The following CTDSPL variants were observed in gnomAD, a reference collection of about 807,000 sequenced individuals.
The protein encoded by CTDSPL is CTD small phosphatase like.
Under a neutral mutation model 30.5 loss-of-function variants are expected in CTDSPL, and 8 were observed. The ratio of observed to expected loss-of-function variants is 0.26; its 90% CI spans 0.15 to 0.47. The LOEUF (loss-of-function observed/expected upper bound fraction) is 0.47. Among genes scored for constraint, CTDSPL ranks in the 20% least tolerant of loss-of-function variants. The pLI is 0.99. For synonymous variants in CTDSPL, 110 were observed against 137.9 expected (o/e 0.80, Z 1.42); for missense variants, 248 against 366.1 (o/e 0.68, Z 2.63).
intron 1 of CTDSPL, among the ~76,000 whole-genome samples, chr3:37,897,493 A>G (rs1052910378): frequency 9.2e-5 from 14 of 152,262 alleles, no homozygotes; most frequent in Non-Finnish European, 1.5e-4. Flanking sequence ...GGACAGTATA[A>G]TTTCATTTCT....
chr3:37,952,189 AAAAG>A (rs1422735944), intron 2 of CTDSPL, among the ~76,000 whole-genome samples: 1 of 152,112 alleles, frequency 6.6e-6, no homozygotes, highest in African/African-American at 2.4e-5. Context: ...AAGAAAGAAA[AAAAG>A]AAACAGAAAG....
At chr3:37,893,963 A>G (rs1211077598) in intron 1 of CTDSPL, among the ~76,000 whole-genome samples, 1 of 152,230 alleles carries the variant, frequency 6.6e-6, no homozygotes, top group Non-Finnish European at 1.5e-5. Flanking sequence ...GTGGCTAACC[A>G]TTAGTATAAA....
chr3:37,947,150 C>T lies in CTDSPL; in HGVS notation c.173C>T (p.Pro58Leu). The change falls in exon 2 of 8, where the codon CCT becomes CTT. Residue 58 changes from proline (P) to leucine (L), a missense_variant. Physicochemically the swap from Pro to Leu is moderately conservative, Grantham distance 98 (BLOSUM62 -3). Transcript: ENST00000273179. ...TTCCGTGATTACAATGTGGAGGCCCCTCCACCCAGCAGCCCCAGTGTGCTT... is the reference window on the plus strand; with the variant it reads ...TTCCGTGATTACAATGTGGAGGCCCTTCCACCCAGCAGCCCCAGTGTGCTT... ...CCFRDYNVEA[P>L]PPSSPSVLPP... 1 of 1,613,152 alleles carries T rather than the reference C, an allele frequency of 6.2e-7. No individual in the cohort carries two copies. The highest frequency in any genetic ancestry group is 8.5e-7 in the Non-Finnish European group (1 of 1,179,986).
At chr3:37,959,673 T>G (rs1306585890) in intron 3 of CTDSPL, among the ~76,000 whole-genome samples, 1 of 152,238 alleles carries the variant, frequency 6.6e-6, no homozygotes, top group African/African-American at 2.4e-5. Flanking sequence ...ATATTTCTCT[T>G]AAAAATATCC....
chr3:37,896,138 C>T (rs1165253781), intron 1 of CTDSPL, among the ~76,000 whole-genome samples: 12 of 152,190 alleles, frequency 7.9e-5, no homozygotes, highest in Non-Finnish European at 1.8e-4. Context: ...CAGTAAGAAT[C>T]AGATGTTTTC....
chr3:37,908,839 G>T (rs1207043055), intron 1 of CTDSPL, among the ~76,000 whole-genome samples: 1 of 152,056 alleles, frequency 6.6e-6, no homozygotes, highest in Non-Finnish European at 1.5e-5. Context: ...TTTTATTTTT[G>T]CATTTCTTTG....
At chr3:37,875,600 C>T (rs534616241) in intron 1 of CTDSPL, among the ~76,000 whole-genome samples, 1 of 152,170 alleles carries the variant, frequency 6.6e-6, no homozygotes, top group South Asian at 2.1e-4. Flanking sequence ...TGTATGTAAT[C>T]TTTCTCTCTG....
intron 1 of CTDSPL, among the ~76,000 whole-genome samples, chr3:37,906,276 C>T (rs990751587): frequency 2.6e-5 from 4 of 152,166 alleles, no homozygotes; most frequent in African/African-American, 9.7e-5. Context: ...GGGCTCCTGG[C>T]AGGCAGCCTT....
At chr3:37,900,852 G>A (rs777796488) in intron 1 of CTDSPL, among the ~76,000 whole-genome samples, 3 of 152,134 alleles carry the variant, frequency 2.0e-5, no homozygotes, top group Admixed American at 6.5e-5. Context: ...AGGCTGGAGT[G>A]CAGTGGCACA....
rs1043155373 is a variant in CTDSPL, at chr3:37,975,439, A to G, written c.520-270A>G. On this transcript the variant is annotated intron_variant, in intron 6 of 7. Coordinates refer to ENST00000273179, the MANE Select transcript of CTDSPL (RefSeq NM_001008392.2). This position sits in a 1 kb window ranked among gnomAD's most constrained non-coding sequence, Gnocchi z 4.9. ...ATCCCAGGCCAGAGATTCGAGGCCC[A>G]GGCTAAGGGTGGTGGCAATATAAAT... Among the ~76,000 whole-genome samples the G allele has an allele frequency of 2.0e-5, 3 of 152,336 alleles. No individual in the cohort carries two copies. The East Asian group carries it at 5.8e-4, about 29-fold the overall frequency.
At chr3:37,974,060 C>T (rs1575325197) in intron 6 of CTDSPL, among the ~76,000 whole-genome samples, 1 of 152,210 alleles carries the variant, frequency 6.6e-6, no homozygotes, top group Non-Finnish European at 1.5e-5. Flanking sequence ...TTTTTTAAAG[C>T]TCATCAGCTA....
chr3:37,934,656 T>C (rs1214999292), intron 1 of CTDSPL, among the ~76,000 whole-genome samples: 3 of 152,204 alleles, frequency 2.0e-5, no homozygotes, highest in Non-Finnish European at 2.9e-5. Flanking sequence ...GTTCCCCAAA[T>C]AGGGGGTTGG....
In CTDSPL at chr3:37,942,087, A is replaced by G. The variant is rs76734533; in HGVS notation, c.80-4970A>G. ...CCAGCAGAGCTCACTGGGACATGCA[A>G]CCCCTCCCTTTTCCTTCCCCATGTC... is the stretch of plus-strand genomic sequence containing the variant. On this transcript the variant is annotated intron_variant, in intron 1 of 7. Transcript: ENST00000273179. Among the ~76,000 whole-genome samples the G allele has an allele frequency of 1.3e-3, 194 of 150,084 alleles. 6 individuals are homozygous for G. In the East Asian group the frequency reaches 0.015, roughly 11 times the overall value.
chr3:37,974,402 G>A (rs2125634890), intron 6 of CTDSPL, among the ~76,000 whole-genome samples: 1 of 152,328 alleles, frequency 6.6e-6, no homozygotes, highest in East Asian at 1.9e-4. Flanking sequence ...TCCACTACTG[G>A]CCTTCCCAGC....
intron 1 of CTDSPL, among the ~76,000 whole-genome samples, chr3:37,891,283 C>T (rs1698322251): frequency 1.3e-5 from 2 of 152,334 alleles, no homozygotes; most frequent in African/African-American, 2.4e-5. Flanking sequence ...TAATCCATGT[C>T]TGGGCTCACT....
intron 1 of CTDSPL, among the ~76,000 whole-genome samples, chr3:37,866,334 A>T (rs1042296260): frequency 6.6e-6 from 1 of 152,210 alleles, no homozygotes. Flanking sequence ...AAAAAATCAC[A>T]CATACACACA....
intron 1 of CTDSPL, among the ~76,000 whole-genome samples, chr3:37,923,289 A>G (rs1698738918): frequency 6.6e-6 from 1 of 152,192 alleles, no homozygotes; most frequent in Non-Finnish European, 1.5e-5. Context: ...TTGGAGTGAC[A>G]TTGAAGTAGT....
intron 1 of CTDSPL, among the ~76,000 whole-genome samples, chr3:37,921,194 C>T (rs1698709159): frequency 6.6e-6 from 1 of 152,216 alleles, no homozygotes; most frequent in South Asian, 2.1e-4. Context: ...CCATTTTCCC[C>T]CCAGGTAACA....
chr3:37,977,721 C>T (rs796349454), intron 7 of CTDSPL, among the ~76,000 whole-genome samples: 11 of 149,842 alleles, frequency 7.3e-5, no homozygotes, highest in African/African-American at 2.5e-4. Flanking sequence ...GACCCCATCT[C>T]TTAAAAAAAA....
Sources: allele counts gnomAD v4.1 joint callset (sites outside exome capture counted in the v4.1 genomes callset), GRCh38; gene constraint gnomAD v4.1.1; non-coding constraint Gnocchi (gnomAD v3.1); transcripts MANE v1.5; gene names NCBI Gene and HGNC (gene_info 2026-07-23, HGNC 2026-07-21).